ARHGAP23: variants seen among roughly 807,000 people sequenced by gnomAD.
The protein encoded by ARHGAP23 is Rho GTPase activating protein 23, also known as rho GTPase-activating protein 23.
Under a neutral mutation model 136.3 loss-of-function variants are expected in ARHGAP23, and 34 were observed. That is an observed-to-expected ratio of 0.25 (90% CI 0.19 to 0.33). The LOEUF is 0.33. ARHGAP23 is among the 10% of genes least tolerant of loss of function. ARHGAP23 has a pLI of 1.00. For synonymous variants in ARHGAP23, 832 were observed against 920.5 expected (o/e 0.90, Z 1.74); for missense variants, 1,808 against 2,139.0 (o/e 0.85, Z 3.05).
chr17:38,498,395 C>A lies in ARHGAP23; in HGVS notation c.3319-19C>A, dbSNP rs1278674219. ...CAGCATCTGAGGGCATGCCAGCTGACCCCTCCTCCTGTTCGCAGACCCCTG... is the reference window on the plus strand; with the variant it reads ...CAGCATCTGAGGGCATGCCAGCTGAACCCTCCTCCTGTTCGCAGACCCCTG... On this transcript the variant is annotated intron_variant, in intron 21 of 23. Coordinates refer to ENST00000622683, the MANE Select transcript of ARHGAP23 (RefSeq NM_001199417.2). 1.3e-6 allele frequency: 2 copies of A among 1,538,200 alleles called. No homozygotes were observed. The highest frequency in any genetic ancestry group is 4.0e-5 in the Admixed American group (2 of 50,110).
chr17:38,421,896 C>T (rs2038523977), intron 1 of ARHGAP23, among the ~76,000 whole-genome samples: 1 of 152,212 alleles, frequency 6.6e-6, no homozygotes, highest in Non-Finnish European at 1.5e-5. Flanking sequence ...TCTATGTTCC[C>T]CTTCTTTCCT....
intron 10 of ARHGAP23, among the ~76,000 whole-genome samples, chr17:38,470,483 G>C (rs1192048652): frequency 1.3e-5 from 2 of 152,260 alleles, no homozygotes; most frequent in Non-Finnish European, 2.9e-5. Context: ...TGGTGGACAG[G>C]TAGAGTTCCC....
At chr17:38,493,641 C>G (rs537888002) in intron 20 of ARHGAP23, among the ~76,000 whole-genome samples, 1 of 152,344 alleles carries the variant, frequency 6.6e-6, no homozygotes, top group South Asian at 2.1e-4. Context: ...TGAAAGCCTG[C>G]CCACCCAAGC....
intron 1 of ARHGAP23, among the ~76,000 whole-genome samples, chr17:38,435,992 A>C (rs1271658709): frequency 6.6e-6 from 1 of 152,220 alleles, no homozygotes. Context: ...CGGAGGCCCC[A>C]GGCTGCAATG....
At chr17:38,445,578 A>G (rs541086036) in intron 1 of ARHGAP23, among the ~76,000 whole-genome samples, 9 of 152,232 alleles carry the variant, frequency 5.9e-5, no homozygotes, top group East Asian at 1.9e-4. Flanking sequence ...TGTTATCACC[A>G]TAAGTGGTGA....
intron 1 of ARHGAP23, among the ~76,000 whole-genome samples, chr17:38,447,437 GAAAAAAAA>G (rs71138625): frequency 1.6e-3 from 42 of 25,640 alleles, no homozygotes; most frequent in East Asian, 4.3e-3. Flanking sequence ...GACTCCGTCT[GAAAAAAAA>G]AAAAAAAAAA....
intron 20 of ARHGAP23, among the ~76,000 whole-genome samples, chr17:38,492,212 G>C (rs7502685): frequency 0.68 from 104,041 of 152,148 alleles, 36,768 homozygotes; most frequent in East Asian, 0.91. Context: ...CTTGGTTTTC[G>C]AGAGCCCAAC....
chr17:38,431,412 T>C (rs2038683115), intron 1 of ARHGAP23, among the ~76,000 whole-genome samples: 1 of 152,138 alleles, frequency 6.6e-6, no homozygotes, highest in Non-Finnish European at 1.5e-5. Context: ...GGACAAAGCC[T>C]GGTTTTAATG....
intron 23 of ARHGAP23, among the ~76,000 whole-genome samples, chr17:38,507,276 A>AAATAATAATAAAATAATAAT (rs1555599769): frequency 1.5e-5 from 2 of 136,670 alleles, no homozygotes; most frequent in African/African-American, 5.5e-5. Flanking sequence ...CTCCGTCTCA[A>AAATAATAATAAAATAATAAT]AATAATAATA....
At chr17:38,507,953 G>A (rs767532453) in intron 23 of ARHGAP23, among the ~76,000 whole-genome samples, 1 of 152,256 alleles carries the variant, frequency 6.6e-6, no homozygotes, top group East Asian at 1.9e-4. Context: ...AAAGGGCAGC[G>A]TGACCTTGTC....
intron 22 of ARHGAP23, 27 bp from the exon 23 acceptor site, chr17:38,500,570 A>AT (rs748542379): frequency 6.7e-4 from 1,006 of 1,500,940 alleles, no homozygotes; most frequent in Non-Finnish European, 8.0e-4. Context: ...TGCAACTTTC[A>AT]TTTTTTTTTC....
At chr17:38,509,511 C>CAG (rs911707897) in intron 23 of ARHGAP23, among the ~76,000 whole-genome samples, 3 of 151,996 alleles carry the variant, frequency 2.0e-5, no homozygotes, top group Admixed American at 1.3e-4. Flanking sequence ...GACTTGTGGT[C>CAG]AGAGAGCGCC....
chr17:38,455,966 G>A (rs1002570697), intron 1 of ARHGAP23, among the ~76,000 whole-genome samples: 1 of 152,180 alleles, frequency 6.6e-6, no homozygotes, highest in Non-Finnish European at 1.5e-5. Context: ...CCCCTGCTGA[G>A]ACCTCCTGGA....
intron 1 of ARHGAP23, among the ~76,000 whole-genome samples, chr17:38,455,785 C>G (rs987615759): frequency 8.5e-5 from 13 of 152,174 alleles, no homozygotes; most frequent in African/African-American, 2.9e-4. Flanking sequence ...CTGATCAGTT[C>G]CTTGCCAGGT....
At chr17:38,462,475 C>T (rs1198556337) in intron 3 of ARHGAP23, among the ~76,000 whole-genome samples, 3 of 151,430 alleles carry the variant, frequency 2.0e-5, no homozygotes, top group South Asian at 4.2e-4. Flanking sequence ...AGGCTGGTCT[C>T]GAACTCCTGA....
Position 38,498,474 on chromosome 17 carries a change from A to G in ARHGAP23, c.3379A>G (p.Ile1127Val), listed in dbSNP as rs1401689871. The G allele has an allele frequency of 1.3e-6, 2 of 1,548,608 alleles. No homozygotes were observed. The highest frequency in any genetic ancestry group is 1.2e-5 in the South Asian group (1 of 83,906). ...VPNIEYLLPNIGRTVPPGDPG... is the reference protein window; with the variant it reads ...VPNIEYLLPNVGRTVPPGDPG... ...CAACATTGAGTACCTCCTGCCCAAC[A>G]TTGGCAGGACAGTGCCCCCTGGCGA... The change falls in exon 22 of 24, where the codon ATT becomes GTT. Residue 1127 changes from isoleucine to valine, a missense_variant. Physicochemically the swap from Ile to Val is conservative, Grantham distance 29. Around this residue, in one of 7 missense-constraint regions of ARHGAP23, gnomAD observed 104 missense variants for 131.8 expected, o/e 0.79. Transcript: ENST00000622683.
At position 38,436,396 on chromosome 17, in the gene ARHGAP23, C is replaced by CAA. The variant is rs67999491; in HGVS notation, c.63+7855_63+7856dup. On this transcript the variant is annotated intron_variant, in intron 1 of 23. Transcript: ENST00000622683. ...TTCCCCTCAGCTACCCCTACCCCCC[C>CAA]AAAAAAAACGCTGAGGAGAGTGCCC... Among the ~76,000 whole-genome samples the CAA allele has an allele frequency of 1.5e-4, 23 of 151,502 alleles. No individual in the cohort carries two copies. The South Asian group carries it at 2.1e-3, about 14-fold the overall frequency.
At chr17:38,458,437 G>A (rs1386848208) in intron 2 of ARHGAP23, among the ~76,000 whole-genome samples, 174 bp downstream of exon 2, 1 of 152,152 alleles carries the variant, frequency 6.6e-6, no homozygotes. Context: ...GGGAGGCAGT[G>A]CCAGCCTTGG....
chr17:38,462,366 G>T (rs1239422931), intron 3 of ARHGAP23, among the ~76,000 whole-genome samples: 1 of 145,502 alleles, frequency 6.9e-6, no homozygotes, highest in Non-Finnish European at 1.5e-5. Context: ...TGTTTCTCCT[G>T]CCTCAGCCTC....
Sources: allele counts gnomAD v4.1 joint callset (sites outside exome capture counted in the v4.1 genomes callset), GRCh38; gene constraint gnomAD v4.1.1; regional missense constraint gnomAD v4.1.1; transcripts MANE v1.5; gene names NCBI Gene and HGNC (gene_info 2026-07-23, HGNC 2026-07-21).